SLC15A5: variants seen among roughly 807,000 people sequenced by gnomAD.
SLC15A5 encodes Peptide/histidine transporter ENSP00000340402.
SLC15A5 carries 58 observed loss-of-function variants against 56.1 expected under a neutral mutation model. The ratio of observed to expected loss-of-function variants is 1.03; its 90% CI spans 0.84 to 1.29. SLC15A5 has a LOEUF of 1.29. Among genes scored for constraint, SLC15A5 ranks in the 50% most tolerant of loss-of-function variants. The probability of loss-of-function intolerance (pLI) is 0.00; values close to 1 mark genes in which losing one functional copy is unlikely to be tolerated. For synonymous variants in SLC15A5, 264 were observed against 250.5 expected (o/e 1.05, Z -0.51); for missense variants, 681 against 672.1 (o/e 1.01, Z -0.15).
chr12:16,257,912 T>C, intron 2 of SLC15A5, 42 bp from the exon 3 acceptor site: 2 of 1,330,190 alleles, frequency 1.5e-6, no homozygotes, highest in South Asian at 2.1e-5. Context: ...ACCATTGAAT[T>C]GCTTTAGATA....
chr12:16,216,513 A>G (rs1260557591), intron 7 of SLC15A5, among the ~76,000 whole-genome samples: 1 of 152,174 alleles, frequency 6.6e-6, no homozygotes, highest in Non-Finnish European at 1.5e-5. Flanking sequence ...AATCATGAGA[A>G]AAAAAGATCA....
At chr12:16,239,593 A>G (rs1304754228) in intron 5 of SLC15A5, 88 bp downstream of exon 5, 1 of 1,279,458 alleles carries the variant, frequency 7.8e-7, no homozygotes, top group Non-Finnish European at 1.1e-6. Flanking sequence ...GACACTACTC[A>G]GGAGCATATA....
chr12:16,215,557 G>A (rs1025988736), intron 7 of SLC15A5, among the ~76,000 whole-genome samples: 2 of 152,174 alleles, frequency 1.3e-5, no homozygotes, highest in African/African-American at 4.8e-5. Context: ...TCTAGCTTAT[G>A]TATGAAGAAT....
chr12:16,247,693 A>G (rs1285348069), intron 3 of SLC15A5, among the ~76,000 whole-genome samples: 1 of 152,112 alleles, frequency 6.6e-6, no homozygotes, highest in Non-Finnish European at 1.5e-5. Flanking sequence ...TTCAGAAAGC[A>G]TAAAGGCCAA....
At chr12:16,226,714 T>A (rs1215992530) in intron 5 of SLC15A5, among the ~76,000 whole-genome samples, 1 of 152,164 alleles carries the variant, frequency 6.6e-6, no homozygotes, top group Non-Finnish European at 1.5e-5. Context: ...GGTCAAACTC[T>A]TCTCTTCCTT....
chr12:16,248,281 AGTG>A (rs1465854326), intron 3 of SLC15A5, among the ~76,000 whole-genome samples: 2 of 152,090 alleles, frequency 1.3e-5, no homozygotes, highest in African/African-American at 4.8e-5. Flanking sequence ...TATAACATTG[AGTG>A]GTGTATTAGA....
intron 5 of SLC15A5, among the ~76,000 whole-genome samples, chr12:16,238,528 G>A (rs1864375205): frequency 6.6e-6 from 1 of 151,514 alleles, no homozygotes; most frequent in African/African-American, 2.4e-5. Flanking sequence ...TACTCGGGAG[G>A]CTGAGGCAGG....
intron 6 of SLC15A5, among the ~76,000 whole-genome samples, chr12:16,217,918 A>T (rs1864146178): frequency 1.3e-5 from 2 of 152,170 alleles, no homozygotes. Context: ...ATTTTTTTAA[A>T]TTTTCAATTA....
intron 3 of SLC15A5, among the ~76,000 whole-genome samples, chr12:16,255,788 G>A (rs1401163459): frequency 6.9e-6 from 1 of 145,474 alleles, no homozygotes; most frequent in Non-Finnish European, 1.6e-5. Flanking sequence ...ACTATACTAA[G>A]TAAAAAAAAA....
chr12:16,249,760 T>C (rs1340689797), intron 3 of SLC15A5, among the ~76,000 whole-genome samples: 1 of 152,010 alleles, frequency 6.6e-6, no homozygotes. Context: ...ATTTAGAAAA[T>C]TTGAATCCAA....
intron 7 of SLC15A5, among the ~76,000 whole-genome samples, chr12:16,200,313 A>G (rs1042089203): frequency 6.6e-6 from 1 of 151,806 alleles, no homozygotes; most frequent in Non-Finnish European, 1.5e-5. Context: ...GGACATTGAA[A>G]ATTTTTTTAT....
intron 3 of SLC15A5, among the ~76,000 whole-genome samples, chr12:16,247,800 C>A (rs1315496408): frequency 2.0e-5 from 3 of 151,928 alleles, no homozygotes; most frequent in Non-Finnish European, 4.4e-5. Context: ...AGGAACTTGA[C>A]GTTTATCTAC....
intron 7 of SLC15A5, among the ~76,000 whole-genome samples, chr12:16,200,125 A>G (rs1375132284): frequency 2.6e-5 from 4 of 151,916 alleles, no homozygotes; most frequent in African/African-American, 4.8e-5. Flanking sequence ...ACTACGATAC[A>G]TGTTATAAAT....
chr12:16,272,915 A>C, intron 1 of SLC15A5, 132 bp from the exon 2 acceptor site: 1 of 809,300 alleles, frequency 1.2e-6, no homozygotes, highest in Non-Finnish European at 1.9e-6. Flanking sequence ...TATGGTAGTC[A>C]TTGCAATTTC....
intron 7 of SLC15A5, among the ~76,000 whole-genome samples, chr12:16,207,295 T>A (rs563433988): frequency 2.9e-4 from 44 of 152,344 alleles, no homozygotes; most frequent in African/African-American, 1.0e-3. Context: ...TACATGGATA[T>A]AACAACACTG....
chr12:16,241,622 G>A (rs1864415618), intron 4 of SLC15A5, among the ~76,000 whole-genome samples: 1 of 152,138 alleles, frequency 6.6e-6, no homozygotes, highest in Admixed American at 6.5e-5. Context: ...AGTTAGTTCT[G>A]CCCTACTTCA....
rs1485317688 is a variant in SLC15A5 at position 16,277,412 on chromosome 12, G to T, written c.274C>A (p.Leu92Ile). Reference protein sequence around the residue: ...LNLCFIGTSILTPVFVRWLTD... With the variant: ...LNLCFIGTSIITPVFVRWLTD... ...AGCCATCTGACAAACACAGGGGTAAGTATTGAAGTTCCAATAAAACACAAG... is the reference window on the plus strand; with the variant it reads ...AGCCATCTGACAAACACAGGGGTAATTATTGAAGTTCCAATAAAACACAAG... The change falls in exon 1 of 9, where the codon CTT becomes ATT. Residue 92 changes from leucine to isoleucine, a missense_variant. Coordinates refer to ENST00000344941, the MANE Select transcript of SLC15A5 (RefSeq NM_001170798.1). 1 of 1,536,500 alleles carries T rather than the reference G, an allele frequency of 6.5e-7. No individual in the cohort carries two copies. The highest frequency in any genetic ancestry group is 2.0e-5 in the Admixed American group (1 of 50,950).
chr12:16,244,519 T>C, intron 4 of SLC15A5, 61 bp downstream of exon 4: 1 of 1,433,746 alleles, frequency 7.0e-7, no homozygotes, highest in Non-Finnish European at 9.5e-7. Flanking sequence ...CACCTTGACT[T>C]GCACTGTTGA....
chr12:16,211,304 C>T (rs369843562), intron 7 of SLC15A5, among the ~76,000 whole-genome samples: 2 of 152,098 alleles, frequency 1.3e-5, no homozygotes, highest in Non-Finnish European at 2.9e-5. Flanking sequence ...TCATTCGTGC[C>T]GACATAACTG....
Sources: gnomAD v4.1 joint callset for allele counts (sites outside exome capture counted in the v4.1 genomes callset) on GRCh38, gnomAD v4.1.1 for gene constraint, MANE v1.5 for transcripts, NCBI Gene and HGNC (gene_info 2026-07-23, HGNC 2026-07-21) for gene names.